The following LRIT3 variants were observed in gnomAD, a reference collection of about 807,000 sequenced individuals.
The protein encoded by LRIT3 is leucine rich repeat, Ig-like and transmembrane domains 3.
Under a neutral mutation model 22.6 loss-of-function variants are expected in LRIT3, and 14 were observed. The observed-to-expected ratio is 0.62, with a 90% confidence interval of 0.41 to 0.97. The LOEUF (loss-of-function observed/expected upper bound fraction) is 0.97. Among genes scored for constraint, LRIT3 ranks in the 50% least tolerant of loss-of-function variants. The pLI, the probability that LRIT3 is intolerant of heterozygous loss-of-function variation, is 0.00. For synonymous variants in LRIT3, 306 were observed against 304.5 expected, an observed-to-expected ratio of 1.01 and a Z score of -0.05; for missense variants, 783 against 803.0, an observed-to-expected ratio of 0.98 and a Z score of 0.30.
At chr4:109,861,965 A>G (rs1445577825) in intron 2 of LRIT3, among the ~76,000 whole-genome samples, 4 of 152,142 alleles carry the variant, frequency 2.6e-5, no homozygotes, top group African/African-American at 9.7e-5. Flanking sequence ...TCCATCTCAA[A>G]ATAGTTTTGG....
intron 3 of LRIT3, 22 bp from the exon 4 acceptor site, chr4:109,869,623 C>G (rs1579382610): frequency 6.6e-7 from 1 of 1,525,386 alleles, no homozygotes; most frequent in Non-Finnish European, 8.8e-7. Context: ...TCCTCACAGA[C>G]TATACATTTG....
At position 109,870,777 on chromosome 4, in the gene LRIT3, G is replaced by A. The variant is rs1384054253; in HGVS notation, c.2028G>A (p.Glu676=). Residue 676 remains glutamate, a synonymous_variant, in exon 4 of 4, where the codon GAG becomes GAA. Coordinates refer to ENST00000594814, the MANE Select transcript of LRIT3 (RefSeq NM_198506.5). The part of the protein sequence containing the change: ...VTFKSEGSRP[E]YYC ...TTAAAAGTGAAGGTTCCAGACCAGA[G>A]TATTATTGCTAAGGTTCTGCAGCTC... 5 of 1,596,632 alleles carry A rather than the reference G, an allele frequency of 3.1e-6. No homozygotes were observed. The highest frequency in any genetic ancestry group is 4.3e-6 in the Non-Finnish European group (5 of 1,169,736).
chr4:109,865,230 T>G (rs753640937), intron 2 of LRIT3: 11 of 1,537,528 alleles, frequency 7.2e-6, no homozygotes, highest in Non-Finnish European at 1.8e-6. Context: ...GTCACAGAAT[T>G]AACTAATGGT....
rs943820670 is a variant in LRIT3 at position 109,870,170 on chromosome 4, T to C, written c.1421T>C (p.Leu474Ser). 1 of 1,614,218 alleles carries C rather than the reference T, an allele frequency of 6.2e-7. No individual in the cohort carries two copies. The change falls in exon 4 of 4, where the codon TTG becomes TCG. Residue 474 changes from leucine to serine, a missense_variant. Transcript: ENST00000594814. ...ACAAGTAAGAAAGAAGAGCTGGCAT[T>C]GTTGGATCAAACAATGCTTACGGAG... Reference protein sequence around the residue: ...ASTSKKEELALLDQTMLTETN... With the variant: ...ASTSKKEELASLDQTMLTETN...
Position 109,850,406 on chromosome 4 carries a change from C to CTTTCTTT in LRIT3, c.117-1098_117-1097insTTTCTTT, listed in dbSNP as rs1475607293. Among the ~76,000 whole-genome samples the CTTTCTTT allele has an allele frequency of 9.5e-3, 14 of 1,480 alleles. 1 individual carries two copies. The South Asian group carries it at 0.11, about 11-fold the overall frequency. 1.0% of individuals were successfully genotyped at this position (1,480 alleles called of 152,430 possible). On this transcript the variant is annotated intron_variant, in intron 1 of 3. Transcript: ENST00000594814. ...TCCTTCCTTCCTTCCTTCCTTCCTT[C>CTTTCTTT]CTTCCTTCCTTCCTTCCTTTCTTTC...
intron 2 of LRIT3, among the ~76,000 whole-genome samples, chr4:109,866,849 G>A (rs901587086): frequency 1.3e-5 from 2 of 152,180 alleles, no homozygotes; most frequent in Non-Finnish European, 2.9e-5. Context: ...GAAGATGCTT[G>A]CAACTGGAAG....
At chr4:109,857,985 G>T (rs146360184) in intron 2 of LRIT3, among the ~76,000 whole-genome samples, 29 of 152,302 alleles carry the variant, frequency 1.9e-4, no homozygotes, top group African/African-American at 6.7e-4. Context: ...ATGGTAGTGT[G>T]ACCTCCAAGG....
chr4:109,853,757 G>T (rs1410671116), intron 2 of LRIT3, among the ~76,000 whole-genome samples: 1 of 150,984 alleles, frequency 6.6e-6, no homozygotes, highest in African/African-American at 2.5e-5. Context: ...AATCCATCTT[G>T]AGTTAATAAG....
At chr4:109,850,368 T>TTCCC (rs1321172082) in intron 1 of LRIT3, among the ~76,000 whole-genome samples, 3 of 432 alleles carry the variant, frequency 6.9e-3, no homozygotes, top group East Asian at 0.5. Flanking sequence ...CCTTCCTTCC[T>TTCCC]TCCTTCCTTC....
intron 2 of LRIT3, among the ~76,000 whole-genome samples, chr4:109,859,835 T>C (rs1188321729): frequency 1.3e-5 from 2 of 152,212 alleles, no homozygotes; most frequent in Admixed American, 1.3e-4. Flanking sequence ...CAGTCCAGCC[T>C]GGCATTGTCC....
intron 1 of LRIT3, 46 bp from the exon 2 acceptor site, chr4:109,851,458 G>C (rs757344447): frequency 2.7e-5 from 39 of 1,469,922 alleles, no homozygotes; most frequent in Non-Finnish European, 3.5e-5. Context: ...TTTCAAATGG[G>C]TGTTGGAAAG....
intron 2 of LRIT3, among the ~76,000 whole-genome samples, chr4:109,854,823 G>C (rs767137969): frequency 6.6e-6 from 1 of 152,150 alleles, no homozygotes. Flanking sequence ...CGACTATTGA[G>C]ATAATCATGT....
Position 109,867,789 on chromosome 4 carries a change from T to C in LRIT3, c.738T>C (p.Ala246=), listed in dbSNP as rs776138667. 2.5e-5 allele frequency: 41 copies of C among 1,614,080 alleles called. No homozygotes were observed. In the South Asian group the frequency reaches 4.4e-4, roughly 17 times the overall value. The part of the protein sequence containing the change: ...ERLTGILFQR[A]ELEHCLKPSV... ...TCACAGGAATTTTGTTTCAGCGGGC[T>C]GAATTGGAGCATTGTCTGAAACCAT... The change falls in exon 3 of 4, where the codon GCT becomes GCC. Residue 246 remains alanine (A), a synonymous_variant. Transcript: ENST00000594814.
At chr4:109,862,917 C>T (rs1734583426) in intron 2 of LRIT3, among the ~76,000 whole-genome samples, 1 of 152,152 alleles carries the variant, frequency 6.6e-6, no homozygotes. Flanking sequence ...TGGCCTTGAA[C>T]TCCTGACCTC....
Position 109,851,581 on chromosome 4 carries a change from A to G in LRIT3, c.194A>G (p.Glu65Gly), listed in dbSNP as rs1734269587. 7.7e-6 allele frequency: 12 copies of G among 1,551,892 alleles called. No homozygotes were observed. The highest frequency in any genetic ancestry group is 1.0e-5 in the Non-Finnish European group (12 of 1,147,034). Residue 65 changes from glutamate (E) to glycine (G), a missense_variant, in exon 2 of 4, where the codon GAG becomes GGG. Coordinates refer to ENST00000594814, the MANE Select transcript of LRIT3 (RefSeq NM_198506.5). ...GTGGACACTGTGAAGCTTCGCATAG[A>G]GAAGACTGTCATCCGCAGAATCTCT... ...LPVDTVKLRI[E>G]KTVIRRISAE...
Position 109,870,190 on chromosome 4 carries a change from A to G in LRIT3, c.1441A>G (p.Thr481Ala). Residue 481 changes from threonine to alanine, a missense_variant, in exon 4 of 4, where the codon ACG (threonine) becomes GCG (alanine). Transcript: ENST00000594814. ...ELALLDQTML[T>A]ETNAAIENLR... is the part of the protein sequence containing the mutation. ...GGCATTGTTGGATCAAACAATGCTT[A>G]CGGAGACAAATGCCGCAATAGAAAA... 6.2e-7 allele frequency: 1 copy of G among 1,614,248 alleles called. No homozygotes were observed. The highest frequency in any genetic ancestry group is 8.5e-7 in the Non-Finnish European group (1 of 1,180,032).
At chr4:109,851,406 C>T (rs987505506) in intron 1 of LRIT3, 98 bp from the exon 2 acceptor site, 173 of 1,445,148 alleles carry the variant, frequency 1.2e-4, no homozygotes, top group Non-Finnish European at 1.6e-4. Context: ...TGAGCCACTG[C>T]CCAGCTGAAA....
intron 2 of LRIT3, among the ~76,000 whole-genome samples, chr4:109,855,130 G>A (rs1238425375): frequency 6.6e-6 from 1 of 151,894 alleles, no homozygotes; most frequent in Non-Finnish European, 1.5e-5. Context: ...TGTACCTCTG[G>A]TACCTCTGGT....
rs1291817033 is a variant in LRIT3 at position 109,871,385 on chromosome 4, A to G, written c.*596A>G. On this transcript the variant is annotated 3_prime_UTR_variant, in exon 4 of 4. Transcript: ENST00000594814. ...AATTTTTGCTTTTCTTTAGAAATAT[A>G]GGTATTAGCAAAAGTAAGTATACAA... 6.6e-6 allele frequency: 1 copy of G among 152,246 alleles called. No homozygotes were observed. Among genetic ancestry groups the G allele is most frequent in the Non-Finnish European group, 1.5e-5 (1 of 68,048 alleles). The allele number at this position is 152,246 out of a possible 1,614,324, so 9.4% of individuals were successfully genotyped here. A position where few individuals can be genotyped will look rare whatever the true frequency, so the allele number is the denominator to read the frequency against.
Sources: allele counts gnomAD v4.1 joint callset (sites outside exome capture counted in the v4.1 genomes callset), GRCh38; gene constraint gnomAD v4.1.1; transcripts MANE v1.5; gene names NCBI Gene and HGNC (gene_info 2026-07-23, HGNC 2026-07-21).